The following MEF2C variants were observed in gnomAD, a reference collection of about 807,000 sequenced individuals.
MEF2C encodes myocyte-specific enhancer factor 2C.
A neutral mutation model predicts 50.5 loss-of-function variants in MEF2C; 6 were observed. The observed-to-expected ratio is 0.12, with a 90% confidence interval of 0.07 to 0.23. The LOEUF (loss-of-function observed/expected upper bound fraction) is 0.23, where lower values mean the gene tolerates loss of function less well. MEF2C is among the 10% of genes least tolerant of loss of function. The probability of loss-of-function intolerance (pLI) is 1.00; values close to 1 mark genes in which losing one functional copy is unlikely to be tolerated. For synonymous variants in MEF2C, 183 were observed against 228.0 expected (o/e 0.80, Z 1.78); for missense variants, 276 against 605.0 (o/e 0.46, Z 5.70).
At chr5:88,750,877 TA>T (rs1772417058) in intron 5 of MEF2C, among the ~76,000 whole-genome samples, 1 of 152,226 alleles carries the variant, frequency 6.6e-6, no homozygotes, top group African/African-American at 2.4e-5. Flanking sequence ...CCTCCATGAA[TA>T]AACTATTTTC....
chr5:88,787,301 T>G (rs766470369), intron 3 of MEF2C, among the ~76,000 whole-genome samples: 5 of 152,238 alleles, frequency 3.3e-5, no homozygotes, highest in African/African-American at 7.2e-5. Flanking sequence ...TGGTTAGCAT[T>G]TTTTCTTCTC....
intron 9 of MEF2C, among the ~76,000 whole-genome samples, chr5:88,728,884 C>G (rs1326541035): frequency 6.6e-6 from 1 of 152,074 alleles, no homozygotes; most frequent in Non-Finnish European, 1.5e-5. Flanking sequence ...ATTAGAACTA[C>G]AATCTAGTAT....
At chr5:88,845,879 C>T (rs535496257) in intron 1 of MEF2C, among the ~76,000 whole-genome samples, 10 of 151,742 alleles carry the variant, frequency 6.6e-5, no homozygotes, top group South Asian at 4.2e-4. Flanking sequence ...TACAGGTGCA[C>T]GCCACAACAC....
intron 1 of MEF2C, among the ~76,000 whole-genome samples, chr5:88,852,327 T>G (rs867989587): frequency 2.6e-5 from 4 of 152,122 alleles, no homozygotes; most frequent in African/African-American, 7.2e-5. Flanking sequence ...GGGGTAAAAG[T>G]TGAGATGAAG....
intron 2 of MEF2C, among the ~76,000 whole-genome samples, chr5:88,821,176 G>A (rs1323274971): frequency 6.6e-6 from 1 of 151,770 alleles, no homozygotes; most frequent in Non-Finnish European, 1.5e-5. Context: ...CCTGGATGAG[G>A]GTAACAGCCA....
At chr5:88,826,432 TGG>T (rs924392318) in intron 1 of MEF2C, among the ~76,000 whole-genome samples, 1 of 151,918 alleles carries the variant, frequency 6.6e-6, no homozygotes, top group Non-Finnish European at 1.5e-5. Context: ...GAGTAATATG[TGG>T]TGATGATGAC....
At chr5:88,740,630 T>C in intron 6 of MEF2C, 1 of 985,090 alleles carries the variant, frequency 1.0e-6, no homozygotes, top group Non-Finnish European at 1.2e-6. Flanking sequence ...GCATGCATCC[T>C]TGTATTTGCA....
In MEF2C at chr5:88,819,576, A is replaced by G. The variant is rs775382844; in HGVS notation, c.54+4159T>C. 6.6e-5 allele frequency among the ~76,000 whole-genome samples: 10 copies of G among 151,958 alleles called. 1 individual carries two copies. Among genetic ancestry groups the G allele is most frequent in the African/African-American group, 2.4e-5 (1 of 41,400 alleles). ...CCTGCCTAACTCTGAATCATCTTTT[A>G]GCTCATCTTTTAGCACTTCCTCAGG... On this transcript the variant is annotated intron_variant, in intron 2 of 10. Transcript: ENST00000504921.
At chr5:88,741,432 A>G in intron 6 of MEF2C, 1 of 985,362 alleles carries the variant, frequency 1.0e-6, no homozygotes, top group Non-Finnish European at 1.2e-6. Flanking sequence ...TTTGTATATC[A>G]CATACTTTCC....
At chr5:88,841,647 G>T (rs765718921) in intron 1 of MEF2C, among the ~76,000 whole-genome samples, 1 of 152,052 alleles carries the variant, frequency 6.6e-6, no homozygotes, top group Non-Finnish European at 1.5e-5. Context: ...ACACATACTT[G>T]TATTACATTT....
chr5:88,737,176 T>C (rs1301047651), intron 6 of MEF2C: 5 of 985,284 alleles, frequency 5.1e-6, no homozygotes, highest in South Asian at 4.7e-5. Context: ...ACTTGTTAAA[T>C]TGAAACATCA....
intron 2 of MEF2C, among the ~76,000 whole-genome samples, chr5:88,812,139 C>G (rs1455601290): frequency 1.3e-5 from 2 of 152,110 alleles, no homozygotes; most frequent in Non-Finnish European, 2.9e-5. Flanking sequence ...CTCCTAGGAC[C>G]TGTCAGCTTG....
intron 2 of MEF2C, among the ~76,000 whole-genome samples, chr5:88,812,326 G>A (rs1054345706): frequency 2.0e-5 from 3 of 152,150 alleles, no homozygotes; most frequent in Admixed American, 2.0e-4. Context: ...AGGAATTATA[G>A]TGTTTTTTGT....
chr5:88,763,130 A>T (rs1393624568), intron 3 of MEF2C, among the ~76,000 whole-genome samples: 1 of 152,188 alleles, frequency 6.6e-6, no homozygotes, highest in Non-Finnish European at 1.5e-5. Flanking sequence ...TTATAGTGGT[A>T]TAATATAACA....
At chr5:88,903,272 G>C (rs2604445) in intron 1 of MEF2C, among the ~76,000 whole-genome samples, 1 of 120,632 alleles carries the variant, frequency 8.3e-6, no homozygotes, top group Non-Finnish European at 1.8e-5. Flanking sequence ...CTCAAAAGAC[G>C]CTCTTTGTAA....
chr5:88,811,644 T>G (rs772752264), intron 2 of MEF2C, among the ~76,000 whole-genome samples: 3 of 152,104 alleles, frequency 2.0e-5, no homozygotes, highest in Non-Finnish European at 4.4e-5. Flanking sequence ...TCGCCTCTAA[T>G]TTCCATATTT....
chr5:88,751,254 G>A (rs925128670), intron 5 of MEF2C: 1 of 985,280 alleles, frequency 1.0e-6, no homozygotes, highest in Non-Finnish European at 1.2e-6. Flanking sequence ...TTGAACAACA[G>A]CAAGTAAAAG....
At chr5:88,873,796 T>C (rs1245205240) in intron 1 of MEF2C, among the ~76,000 whole-genome samples, 1 of 145,670 alleles carries the variant, frequency 6.9e-6, no homozygotes, top group East Asian at 2.0e-4. Flanking sequence ...ATAGTCAAAA[T>C]TATTTACTTT....
At chr5:88,843,047 T>A (rs540190957) in intron 1 of MEF2C, among the ~76,000 whole-genome samples, 2 of 152,074 alleles carry the variant, frequency 1.3e-5, no homozygotes, top group African/African-American at 4.8e-5. Flanking sequence ...ACAGAGATCA[T>A]CAGTGGCTAC....
Sources: gnomAD v4.1 joint callset for allele counts (sites outside exome capture counted in the v4.1 genomes callset) on GRCh38, gnomAD v4.1.1 for gene constraint, MANE v1.5 for transcripts, NCBI Gene and HGNC (gene_info 2026-07-23, HGNC 2026-07-21) for gene names.